The following PDE1C variants were observed in gnomAD, a reference collection of about 807,000 sequenced individuals.
PDE1C encodes the protein dual specificity calcium/calmodulin-dependent 3',5'-cyclic nucleotide phosphodiesterase 1C.
In PDE1C, 62 loss-of-function variants were observed where a neutral mutation model predicts 93.1. The ratio of observed to expected loss-of-function variants is 0.67; its 90% CI spans 0.54 to 0.82. The LOEUF (loss-of-function observed/expected upper bound fraction) is 0.82. PDE1C is among the 40% of genes least tolerant of loss of function. The pLI, the probability that PDE1C is intolerant of heterozygous loss-of-function variation, is 0.00. For synonymous variants in PDE1C, 325 were observed against 310.1 expected, an observed-to-expected ratio of 1.05 and a Z score of -0.50; for missense variants, 742 against 884.6, an observed-to-expected ratio of 0.84 and a Z score of 2.04.
At chr7:32,141,544 T>C (rs866547793) in intron 3 of PDE1C, among the ~76,000 whole-genome samples, 1 of 152,148 alleles carries the variant, frequency 6.6e-6, no homozygotes, top group African/African-American at 2.4e-5. Context: ...CCTAAACTAA[T>C]TGGGAGAAAA....
At chr7:31,874,082 C>G (rs1269225082) in intron 5 of PDE1C, among the ~76,000 whole-genome samples, 1 of 152,136 alleles carries the variant, frequency 6.6e-6, no homozygotes, top group Non-Finnish European at 1.5e-5. Flanking sequence ...TTTCATATGA[C>G]AGAAAAATGC....
chr7:31,787,589 G>T (rs1042794786), intron 16 of PDE1C: 2 of 152,074 alleles, frequency 1.3e-5, no homozygotes, highest in East Asian at 1.9e-4. Context: ...AGAGCGCATG[G>T]TTTCGTCTGT....
chr7:31,846,233 C>CTTTTTTTTTTTTTTTT (rs371624212), intron 9 of PDE1C, among the ~76,000 whole-genome samples: 7 of 129,964 alleles, frequency 5.4e-5, no homozygotes, highest in African/African-American at 1.4e-4. Context: ...CTTTTTTTTT[C>CTTTTTTTTTTTTTTTT]TTTTTTTTTT....
the PDE1C span, among the ~76,000 whole-genome samples, chr7:31,621,599 G>A: frequency 6.7e-6 from 1 of 148,472 alleles, no homozygotes; most frequent in African/African-American, 2.5e-5. Flanking sequence ...AAGAGCTCCT[G>A]AAGGAAGCAC....
chr7:32,011,326 G>C (rs1257867296), intron 2 of PDE1C, among the ~76,000 whole-genome samples: 1 of 151,958 alleles, frequency 6.6e-6, no homozygotes, highest in African/African-American at 2.4e-5. Flanking sequence ...CCAAGTAGCT[G>C]GGACTACAGG....
the PDE1C span, among the ~76,000 whole-genome samples, chr7:31,680,046 T>A: frequency 1.3e-5 from 2 of 152,224 alleles, no homozygotes; most frequent in Admixed American, 1.3e-4. Context: ...TGCACCTTAA[T>A]AACCAGGAGC....
intron 2 of PDE1C, among the ~76,000 whole-genome samples, chr7:32,035,383 C>G (rs1022880695): frequency 2.6e-5 from 4 of 152,126 alleles, no homozygotes; most frequent in African/African-American, 7.2e-5. Context: ...TGCTCCTGAC[C>G]AAATTGGCCA....
chr7:31,718,722 G>A, the PDE1C span, among the ~76,000 whole-genome samples: 1 of 152,182 alleles, frequency 6.6e-6, no homozygotes. Flanking sequence ...CATAGGAACT[G>A]GGATCCAAAA....
chr7:32,129,560 C>T (rs201853921), intron 3 of PDE1C, among the ~76,000 whole-genome samples: 1 of 123,598 alleles, frequency 8.1e-6, no homozygotes, highest in Admixed American at 7.5e-5. Flanking sequence ...TCAAGTTTCT[C>T]TTTGTCATGA....
At chr7:32,102,427 C>T (rs1798085640) in intron 3 of PDE1C, among the ~76,000 whole-genome samples, 1 of 152,206 alleles carries the variant, frequency 6.6e-6, no homozygotes, top group African/African-American at 2.4e-5. Context: ...CCTTGGCAAG[C>T]TATTTAACCT....
At chr7:32,249,299 T>C (rs1438456117) in intron 1 of PDE1C, among the ~76,000 whole-genome samples, 2 of 151,874 alleles carry the variant, frequency 1.3e-5, no homozygotes, top group Admixed American at 6.6e-5. Context: ...AAAATATGTC[T>C]GGGAGAACTA....
intron 1 of PDE1C, among the ~76,000 whole-genome samples, chr7:32,341,173 C>CTATTTTTTATTTTTTTTTTTTTT (rs796122014): frequency 3.5e-5 from 3 of 84,952 alleles, no homozygotes; most frequent in African/African-American, 8.7e-5. Flanking sequence ...GAAATAAAGT[C>CTATTTTTTATTTTTTTTTTTTTT]TTTTTTTTTT....
chr7:32,290,542 C>T (rs1174782812), intron 1 of PDE1C, among the ~76,000 whole-genome samples: 2 of 152,186 alleles, frequency 1.3e-5, no homozygotes, highest in South Asian at 2.1e-4. Context: ...CTAATGAGGG[C>T]CTCAGGGGTC....
At chr7:31,692,657 A>T in the PDE1C span, 2 of 743,716 alleles carry the variant, frequency 2.7e-6, no homozygotes, top group Non-Finnish European at 4.5e-6. Context: ...GTGACAGCCA[A>T]CACCAGATGG....
intron 1 of PDE1C, among the ~76,000 whole-genome samples, chr7:32,215,335 C>T (rs1051335538): frequency 1.3e-5 from 2 of 152,124 alleles, no homozygotes; most frequent in African/African-American, 4.8e-5. Context: ...CCCCAACACC[C>T]GTTTTGTAGA....
At chr7:31,742,605 T>C in the PDE1C span, among the ~76,000 whole-genome samples, 1 of 152,144 alleles carries the variant, frequency 6.6e-6, no homozygotes, top group Non-Finnish European at 1.5e-5. Flanking sequence ...GGTGTTACAT[T>C]CTCCCCTAAG....
intron 2 of PDE1C, among the ~76,000 whole-genome samples, chr7:31,960,252 G>C (rs1328608148): frequency 6.6e-6 from 1 of 152,164 alleles, no homozygotes; most frequent in East Asian, 1.9e-4. Flanking sequence ...TGATCAAAGT[G>C]AAAAGCCCAA....
chr7:32,110,032 A>G (rs2128754896), intron 3 of PDE1C, among the ~76,000 whole-genome samples: 1 of 152,270 alleles, frequency 6.6e-6, no homozygotes, highest in Non-Finnish European at 1.5e-5. Flanking sequence ...GAATAACAGC[A>G]TTTTGGAGTT....
chr7:32,109,552 G>C (rs1476547711), intron 3 of PDE1C, among the ~76,000 whole-genome samples: 1 of 152,090 alleles, frequency 6.6e-6, no homozygotes, highest in Non-Finnish European at 1.5e-5. Flanking sequence ...TACCCAATAG[G>C]TGCCAGTAGT....
Sources: allele counts gnomAD v4.1 joint callset (sites outside exome capture counted in the v4.1 genomes callset), GRCh38; gene constraint gnomAD v4.1.1; transcripts MANE v1.5; gene names NCBI Gene and HGNC (gene_info 2026-07-23, HGNC 2026-07-21).